MAGI3: variants seen among roughly 807,000 people sequenced by gnomAD.
The protein encoded by MAGI3 is membrane associated guanylate kinase, WW and PDZ domain containing 3.
In MAGI3, 43 loss-of-function variants were observed where a neutral mutation model predicts 121.8. The observed-to-expected ratio is 0.35, with a 90% CI of 0.28 to 0.46. The LOEUF (loss-of-function observed/expected upper bound fraction) is 0.46, where lower values mean the gene tolerates loss of function less well. Ranked by LOEUF, MAGI3 falls within the 20% of genes least tolerant of loss-of-function variation. The pLI is 1.00. For missense variants in MAGI3, 1,547 were observed against 1,797.3 expected, an observed-to-expected ratio of 0.86 and a Z score of 2.52; for synonymous variants, 553 against 639.3, an observed-to-expected ratio of 0.86 and a Z score of 2.04.
intron 1 of MAGI3, among the ~76,000 whole-genome samples, chr1:113,472,326 C>T (rs1422107787): frequency 1.3e-5 from 2 of 152,052 alleles, no homozygotes; most frequent in Non-Finnish European, 2.9e-5. Flanking sequence ...CCTCAGCCTC[C>T]CAAGTAGCTG....
intron 15 of MAGI3, among the ~76,000 whole-genome samples, chr1:113,657,181 G>A (rs1384690865): frequency 6.6e-6 from 1 of 152,224 alleles, no homozygotes; most frequent in Non-Finnish European, 1.5e-5. Context: ...TATGGCAAAT[G>A]CCTGTAGACT....
intron 1 of MAGI3, among the ~76,000 whole-genome samples, chr1:113,455,720 C>G (rs374299740): frequency 6.6e-6 from 1 of 152,200 alleles, no homozygotes; most frequent in South Asian, 2.1e-4. Flanking sequence ...GTTTGGGTCC[C>G]TGTGCCATCT....
At chr1:113,503,950 G>A (rs562554050) in intron 1 of MAGI3, among the ~76,000 whole-genome samples, 117 of 152,146 alleles carry the variant, frequency 7.7e-4, no homozygotes, top group African/African-American at 2.6e-3. Flanking sequence ...TGGATAGAAA[G>A]TTCAAAGTGA....
chr1:113,537,198 C>T (rs1659047324), intron 1 of MAGI3, among the ~76,000 whole-genome samples: 1 of 152,092 alleles, frequency 6.6e-6, no homozygotes, highest in Non-Finnish European at 1.5e-5. Context: ...GGAGCTAGAG[C>T]CGAGGGAACA....
chr1:113,408,744 C>T (rs1312716474), intron 1 of MAGI3, among the ~76,000 whole-genome samples: 2 of 152,108 alleles, frequency 1.3e-5, no homozygotes, highest in African/African-American at 4.8e-5. Context: ...TCTCTCAGCT[C>T]ATATCTTCCC....
rs1483027967 is a variant in MAGI3 at position 113,590,658 on chromosome 1, A to G, written c.938A>G (p.Asp313Gly). ...YTDTGMIYFI[D>G]HNTKTTTWLD... Reference sequence around the variant, plus strand: ...GACACAGGGATGATCTACTTCATTGAGTAAGCAAATGTCTCTATCTCTTCT... The same window carrying G: ...GACACAGGGATGATCTACTTCATTGGGTAAGCAAATGTCTCTATCTCTTCT... The change falls in exon 5 of 21, where the codon GAC (aspartate) becomes GGC (glycine). Residue 313 changes from aspartate (D) to glycine (G), a missense_variant and splice_region_variant. By Grantham distance (94) the Asp-to-Gly change is moderately conservative. Transcript: ENST00000307546. 1 of 1,612,416 alleles carries G rather than the reference A, an allele frequency of 6.2e-7. No homozygotes were observed. Among genetic ancestry groups the G allele is most frequent in the East Asian group, 2.2e-5 (1 of 44,862 alleles).
intron 2 of MAGI3, among the ~76,000 whole-genome samples, chr1:113,572,129 T>C (rs1341392852): frequency 2.0e-5 from 3 of 152,220 alleles, no homozygotes; most frequent in Non-Finnish European, 4.4e-5. Flanking sequence ...ATTGAAGGCC[T>C]TTTCTGCATC....
At chr1:113,532,171 C>A (rs1395001068) in intron 1 of MAGI3, among the ~76,000 whole-genome samples, 1 of 151,934 alleles carries the variant, frequency 6.6e-6, no homozygotes, top group Non-Finnish European at 1.5e-5. Context: ...ATAAATATAG[C>A]CCTACTGCTT....
intron 1 of MAGI3, among the ~76,000 whole-genome samples, chr1:113,522,102 C>T (rs12029173): frequency 1.3e-5 from 2 of 150,436 alleles, no homozygotes; most frequent in South Asian, 2.1e-4. Context: ...TTTGGTCTGT[C>T]GTATATTTAT....
At chr1:113,516,836 A>G (rs1443149760) in intron 1 of MAGI3, among the ~76,000 whole-genome samples, 2 of 152,020 alleles carry the variant, frequency 1.3e-5, no homozygotes, top group Non-Finnish European at 2.9e-5. Context: ...GCAGTGATAA[A>G]TCATATTGAT....
intron 1 of MAGI3, among the ~76,000 whole-genome samples, chr1:113,421,672 C>T (rs2101383140): frequency 6.6e-6 from 1 of 151,730 alleles, no homozygotes; most frequent in Non-Finnish European, 1.5e-5. Context: ...GGACCATACT[C>T]TTAATATATG....
intron 12 of MAGI3, among the ~76,000 whole-genome samples, chr1:113,648,561 G>A (rs1652979500): frequency 1.3e-5 from 2 of 151,854 alleles, no homozygotes; most frequent in African/African-American, 4.8e-5. Flanking sequence ...CCCTTTGAGG[G>A]TAGGACAGTA....
chr1:113,552,305 A>G (rs1413791725), intron 2 of MAGI3, among the ~76,000 whole-genome samples: 1 of 152,168 alleles, frequency 6.6e-6, no homozygotes, highest in South Asian at 2.1e-4. Flanking sequence ...TGTGGCCTTT[A>G]TACTTTGATG....
At chr1:113,449,360 GGTGTGTGTGT>G (rs71087199) in intron 1 of MAGI3, among the ~76,000 whole-genome samples, 1 of 147,328 alleles carries the variant, frequency 6.8e-6, no homozygotes, top group African/African-American at 2.5e-5. Flanking sequence ...TTACTTTTAT[GGTGTGTGTGT>G]GTGTGTGTGT....
chr1:113,623,454 A>ACACACC (rs1650986776), intron 9 of MAGI3, among the ~76,000 whole-genome samples: 1 of 1,850 alleles, frequency 5.4e-4, no homozygotes. Flanking sequence ...ACACACACAT[A>ACACACC]CACACACACA....
intron 19 of MAGI3, 39 bp from the exon 20 acceptor site, chr1:113,681,159 C>T (rs1240538318): frequency 6.3e-7 from 1 of 1,596,644 alleles, no homozygotes; most frequent in Non-Finnish European, 8.5e-7. Flanking sequence ...ACAAAGGATG[C>T]ATAGTTTCAT....
At chr1:113,492,499 CTT>C (rs1656717501) in intron 1 of MAGI3, among the ~76,000 whole-genome samples, 1 of 152,126 alleles carries the variant, frequency 6.6e-6, no homozygotes, top group African/African-American at 2.4e-5. Context: ...TTTCCATTCT[CTT>C]GGAAAAGAAT....
At chr1:113,623,078 G>A in intron 9 of MAGI3, 84 bp downstream of exon 9, 1 of 825,404 alleles carries the variant, frequency 1.2e-6, no homozygotes, top group Non-Finnish European at 1.7e-6. Flanking sequence ...CATAAAGAGA[G>A]AGAAATAATT....
chr1:113,433,737 C>T (rs536043370), intron 1 of MAGI3, among the ~76,000 whole-genome samples: 15 of 152,128 alleles, frequency 9.9e-5, no homozygotes, highest in African/African-American at 2.6e-4. Context: ...TGACTTAACA[C>T]GGTATATTCT....
Sources: gnomAD v4.1 joint callset for allele counts (sites outside exome capture counted in the v4.1 genomes callset) on GRCh38, gnomAD v4.1.1 for gene constraint, MANE v1.5 for transcripts, NCBI Gene and HGNC (gene_info 2026-07-23, HGNC 2026-07-21) for gene names.